Variants in PLXNB1 observed in about 807,000 individuals in gnomAD.
The protein encoded by PLXNB1 is plexin-B1.
In PLXNB1, 106 loss-of-function variants were observed where a neutral mutation model predicts 209.4. That is an observed-to-expected ratio of 0.51 (90% CI 0.43 to 0.59). The LOEUF is 0.59. Among genes scored for constraint, PLXNB1 ranks in the 20% least tolerant of loss-of-function variants. The pLI, the probability that PLXNB1 is intolerant of heterozygous loss-of-function variation, is 0.00. For missense variants in PLXNB1, 2,357 were observed against 2,853.2 expected (o/e 0.83, Z 3.96); for synonymous variants, 1,167 against 1,183.2 (o/e 0.99, Z 0.28).
At position 48,418,131 on chromosome 3, in the gene PLXNB1, C is replaced by A. The variant is rs915845089; in HGVS notation, c.3222+60G>T. ...GCAGCCCCAACCTCCCACCTTTGGG[C>A]CCCCACACCCTCCCTCTAAGGGCAG... On this transcript the variant is annotated intron_variant, in intron 15 of 37. Coordinates refer to ENST00000296440, the MANE Select transcript of PLXNB1 (RefSeq NM_001130082.3). The surrounding 1 kb of genome is among the most constrained non-coding windows in gnomAD (Gnocchi z 6.6). The A allele has an allele frequency of 1.1e-5, 18 of 1,606,998 alleles. No homozygotes were observed. In the African/African-American group the frequency reaches 2.3e-4, roughly 20 times the overall value.
At position 48,417,837 on chromosome 3, in the gene PLXNB1, G is replaced by C; in HGVS notation, c.3374+74C>G. 1 of 1,462,646 alleles carries C rather than the reference G, an allele frequency of 6.8e-7. No individual in the cohort carries two copies. The highest frequency in any genetic ancestry group is 9.3e-7 in the Non-Finnish European group (1 of 1,069,832). 90.6% of individuals were successfully genotyped at this position (1,462,646 alleles called of 1,614,324 possible). ...AGGGGGGCAGATGAGCGGTGGGTGGGAGGCCCCAAGCAGCAACGCCAACCG... is the reference window on the plus strand; with the variant it reads ...AGGGGGGCAGATGAGCGGTGGGTGGCAGGCCCCAAGCAGCAACGCCAACCG... On this transcript the variant is annotated intron_variant, in intron 16 of 37. Coordinates refer to ENST00000296440, the MANE Select transcript of PLXNB1 (RefSeq NM_001130082.3). The surrounding 1 kb of genome is among the most constrained non-coding windows in gnomAD (Gnocchi z 4.4).
Position 48,414,078 on chromosome 3 carries a change from C to T in PLXNB1, c.4210-7G>A, listed in dbSNP as rs1211787739. On this transcript the variant is annotated splice_polypyrimidine_tract_variant and splice_region_variant and intron_variant, in intron 21 of 37. Coordinates refer to ENST00000296440, the MANE Select transcript of PLXNB1 (RefSeq NM_001130082.3). Reference sequence around the variant, plus strand: ...CAAGGTCCAGGTTCTCCCCCTGGAACAGAGGGTCACCGATCAGTCACTCAG... The same window carrying T: ...CAAGGTCCAGGTTCTCCCCCTGGAATAGAGGGTCACCGATCAGTCACTCAG... 1 of 1,613,572 alleles carries T rather than the reference C, an allele frequency of 6.2e-7. No individual in the cohort carries two copies. Among genetic ancestry groups the T allele is most frequent in the South Asian group, 1.1e-5 (1 of 91,070 alleles).
At chr3:48,407,893 C>T (rs970307440) in intron 34 of PLXNB1, among the ~76,000 whole-genome samples, 2 of 152,224 alleles carry the variant, frequency 1.3e-5, no homozygotes, top group South Asian at 2.1e-4. Flanking sequence ...CTGGAGGTGG[C>T]CCTGCGGGTC....
At chr3:48,414,746 T>C in intron 21 of PLXNB1, 53 bp downstream of exon 21, 2 of 1,589,232 alleles carry the variant, frequency 1.3e-6, no homozygotes, top group Non-Finnish European at 1.7e-6. Context: ...AGCAGTGCTG[T>C]CCAGCCAAGG....
chr3:48,424,754 T>A (rs2038795092), intron 2 of PLXNB1, 137 bp from the exon 3 acceptor site: 1 of 850,172 alleles, frequency 1.2e-6, no homozygotes, highest in East Asian at 2.7e-5. Context: ...GGACCAGGCT[T>A]CTTAGATAGG....
Position 48,420,785 on chromosome 3 carries a change from A to G in PLXNB1, c.1920-12T>C. 6.2e-7 allele frequency: 1 copy of G among 1,613,726 alleles called. No individual in the cohort carries two copies. The highest frequency in any genetic ancestry group is 8.5e-7 in the Non-Finnish European group (1 of 1,179,682). ...CACAGGCCTGGCACCTGCACAGAGC[A>G]CAGCCATGGGGCAAGGGTCGCCACA... is the stretch of plus-strand genomic sequence containing the variant. On this transcript the variant is annotated splice_polypyrimidine_tract_variant and intron_variant, in intron 9 of 37. Coordinates refer to ENST00000296440, the MANE Select transcript of PLXNB1 (RefSeq NM_001130082.3).
Position 48,415,785 on chromosome 3 carries a change from C to T in PLXNB1, c.3618-26G>A. ...CTGGGAGGGGAGGTGGGAATGAATG[C>T]AGGGGCGCAGGCAGGGAAAACTTGG... is the stretch of plus-strand genomic sequence containing the variant. On this transcript the variant is annotated intron_variant, in intron 18 of 37. Transcript: ENST00000296440. This position sits in a 1 kb window ranked among gnomAD's most constrained non-coding sequence, Gnocchi z 5.0. 1.3e-6 allele frequency: 2 copies of T among 1,532,134 alleles called. No homozygotes were observed. The highest frequency in any genetic ancestry group is 8.8e-7 in the Non-Finnish European group (1 of 1,133,760). The allele number at this position is 1,532,134 out of a possible 1,614,324, so 94.9% of individuals were successfully genotyped here.
Position 48,413,566 on chromosome 3 carries a change from C to T in PLXNB1, c.4535+104G>A. The T allele has an allele frequency of 1.7e-6, 2 of 1,210,130 alleles. No homozygotes were observed. The highest frequency in any genetic ancestry group is 2.8e-5 in the Admixed American group (1 of 35,596). 75.0% of individuals were successfully genotyped at this position (1,210,130 alleles called of 1,614,324 possible). A position where few individuals can be genotyped will look rare whatever the true frequency, so the allele number is the denominator to read the frequency against. Reference sequence around the variant, plus strand: ...CAAAGCGAAAATATTTACTCTCTGGCCATTTACAGAGAATGTTTCCTGACT... The same window carrying T: ...CAAAGCGAAAATATTTACTCTCTGGTCATTTACAGAGAATGTTTCCTGACT... On this transcript the variant is annotated intron_variant, in intron 23 of 37. Coordinates refer to ENST00000296440, the MANE Select transcript of PLXNB1 (RefSeq NM_001130082.3). The surrounding 1 kb of genome is among the most constrained non-coding windows in gnomAD (Gnocchi z 5.4).
chr3:48,411,705 G>C lies in PLXNB1; in HGVS notation c.5247+158C>G, dbSNP rs2037694336. The stretch of plus-strand genomic sequence containing the variant: ...CCTAAACTGCTATCCTGCTAAGCTA[G>C]TCTGATGGGCTCTCTCCAGGAGCCA... On this transcript the variant is annotated intron_variant, in intron 28 of 37. Transcript: ENST00000296440. The surrounding 1 kb of genome is among the most constrained non-coding windows in gnomAD (Gnocchi z 4.0). Among the ~76,000 whole-genome samples, 2 of 152,164 alleles carry C rather than the reference G, an allele frequency of 1.3e-5. No homozygotes were observed.
In PLXNB1 at chr3:48,413,777, C is replaced by T. The variant is rs748518451; in HGVS notation, c.4428G>A (p.Gln1476=). 3.1e-6 allele frequency: 5 copies of T among 1,613,898 alleles called. No individual in the cohort carries two copies. The highest frequency in any genetic ancestry group is 2.7e-5 in the African/African-American group (2 of 75,078). The part of the protein sequence containing the change: ...GNLRFSLGHV[Q]YDGESPGAFP... The stretch of plus-strand genomic sequence containing the variant: ...AAGCCCCAGGGCTCTCGCCGTCATA[C>T]TGCACGTGACCCAGGGAGAAGCGCA... Residue 1476 remains glutamine, a synonymous_variant, in exon 23 of 38, where the codon CAG becomes CAA. Transcript: ENST00000296440. The surrounding 1 kb of genome is among the most constrained non-coding windows in gnomAD (Gnocchi z 5.4).
In PLXNB1 at chr3:48,406,859, G is replaced by A. The variant is rs920279466; in HGVS notation, c.6192C>T (p.Asp2064=). 6.2e-6 allele frequency: 10 copies of A among 1,612,714 alleles called. No individual in the cohort carries two copies. The highest frequency in any genetic ancestry group is 8.5e-6 in the Non-Finnish European group (10 of 1,179,374). ...ADIRQTVPAS[D]QEMNSVLAEL... is the part of the protein sequence containing the mutation. Reference sequence around the variant, plus strand: ...CAGCCAGGACAGAGTTCATCTCTTGGTCGCTGGCTGGGACAGTCTGTCTGA... The same window carrying A: ...CAGCCAGGACAGAGTTCATCTCTTGATCGCTGGCTGGGACAGTCTGTCTGA... Residue 2064 remains aspartate, a synonymous_variant, in exon 36 of 38, where the codon GAC becomes GAT. Transcript: ENST00000296440. The surrounding 1 kb of genome is among the most constrained non-coding windows in gnomAD (Gnocchi z 4.4).
At position 48,409,301 on chromosome 3, in the gene PLXNB1, C is replaced by CT; in HGVS notation, c.6087+27_6087+28insA. ...ACAGCACTGTCCACCCTCACCCATCCCCCCGTGTCCATCCCAGACTCGCTC... is the reference window on the plus strand; with the variant it reads ...ACAGCACTGTCCACCCTCACCCATCCTCCCCGTGTCCATCCCAGACTCGCTC... On this transcript the variant is annotated intron_variant, in intron 34 of 37. Coordinates refer to ENST00000296440, the MANE Select transcript of PLXNB1 (RefSeq NM_001130082.3). This position sits in a 1 kb window ranked among gnomAD's most constrained non-coding sequence, Gnocchi z 5.8. The CT allele has an allele frequency of 6.2e-7, 1 of 1,612,620 alleles. No homozygotes were observed. The highest frequency in any genetic ancestry group is 8.5e-7 in the Non-Finnish European group (1 of 1,179,358).
chr3:48,418,852 A>G lies in PLXNB1; in HGVS notation c.2955+65T>C. On this transcript the variant is annotated intron_variant, in intron 13 of 37. Coordinates refer to ENST00000296440, the MANE Select transcript of PLXNB1 (RefSeq NM_001130082.3). The surrounding 1 kb of genome is among the most constrained non-coding windows in gnomAD (Gnocchi z 6.6). ...TGGAAAGTGTGGTGCAGCCAGCTACAGTTGGCAGCCAGCCTGTGGCCAGTG... is the reference window on the plus strand; with the variant it reads ...TGGAAAGTGTGGTGCAGCCAGCTACGGTTGGCAGCCAGCCTGTGGCCAGTG... 6.3e-7 allele frequency: 1 copy of G among 1,597,000 alleles called. No homozygotes were observed. The highest frequency in any genetic ancestry group is 8.6e-7 in the Non-Finnish European group (1 of 1,168,510).
At chr3:48,427,120 C>T (rs1274361181) in intron 1 of PLXNB1, among the ~76,000 whole-genome samples, 1 of 152,172 alleles carries the variant, frequency 6.6e-6, no homozygotes, top group Non-Finnish European at 1.5e-5. Context: ...AAAACCACTC[C>T]CCATATGTGA....
At chr3:48,407,753 C>G (rs1264488351) in intron 34 of PLXNB1, among the ~76,000 whole-genome samples, 2 of 152,246 alleles carry the variant, frequency 1.3e-5, no homozygotes, top group Non-Finnish European at 2.9e-5. Flanking sequence ...GACAACTCCC[C>G]ATGGGGGAAC....
chr3:48,405,650 A>T lies in PLXNB1; in HGVS notation c.6303+74T>A. 8.4e-7 allele frequency: 1 copy of T among 1,196,162 alleles called. No individual in the cohort carries two copies. The highest frequency in any genetic ancestry group is 1.2e-6 in the Non-Finnish European group (1 of 817,924). 74.1% of individuals were successfully genotyped at this position (1,196,162 alleles called of 1,614,324 possible). ...AAGACCAAAGCCCCCAACGTGAGTC[A>T]CAGGGTCAGAGCCCCTTAAGTCTCC... On this transcript the variant is annotated intron_variant, in intron 37 of 37. Coordinates refer to ENST00000296440, the MANE Select transcript of PLXNB1 (RefSeq NM_001130082.3). The surrounding 1 kb of genome is among the most constrained non-coding windows in gnomAD (Gnocchi z 5.0).
chr3:48,412,044 G>A, intron 27 of PLXNB1, 35 bp from the exon 28 acceptor site: 2 of 1,611,458 alleles, frequency 1.2e-6, no homozygotes, highest in Non-Finnish European at 1.7e-6. Flanking sequence ...CCCCCCAGCA[G>A]GTGGCAGAGG....
In PLXNB1 at chr3:48,420,975, G is replaced by A; in HGVS notation, c.1811-19C>T. 2 of 1,594,548 alleles carry A rather than the reference G, an allele frequency of 1.3e-6. No individual in the cohort carries two copies. Among genetic ancestry groups the A allele is most frequent in the Non-Finnish European group, 1.7e-6 (2 of 1,163,150 alleles). On this transcript the variant is annotated intron_variant, in intron 8 of 37. Coordinates refer to ENST00000296440, the MANE Select transcript of PLXNB1 (RefSeq NM_001130082.3). Reference sequence around the variant, plus strand: ...ACGTAGTCTGCAGAGGGGGAGAGAGGGCCAGGGTTAAGCAGCAAGGAGGTG... The same window carrying A: ...ACGTAGTCTGCAGAGGGGGAGAGAGAGCCAGGGTTAAGCAGCAAGGAGGTG...
At chr3:48,426,419 C>T (rs1016519314) in intron 1 of PLXNB1, among the ~76,000 whole-genome samples, 3 of 152,258 alleles carry the variant, frequency 2.0e-5, no homozygotes, top group African/African-American at 7.2e-5. Context: ...CCCTACTTGC[C>T]TGTGCCCAGG....
Sources: allele counts gnomAD v4.1 joint callset (sites outside exome capture counted in the v4.1 genomes callset), GRCh38; gene constraint gnomAD v4.1.1; non-coding constraint Gnocchi (gnomAD v3.1); transcripts MANE v1.5; gene names NCBI Gene and HGNC (gene_info 2026-07-23, HGNC 2026-07-21).